Variants in GNA14 observed in about 807,000 individuals in gnomAD.
The protein encoded by GNA14 is guanine nucleotide-binding protein subunit alpha-14.
In GNA14, 50 loss-of-function variants were observed where a neutral mutation model predicts 42.0. That is an observed-to-expected ratio of 1.19 (90% CI 0.95 to 1.51). The LOEUF is 1.51. GNA14 is among the 40% of genes most tolerant of loss of function. The pLI, the probability that GNA14 is intolerant of heterozygous loss-of-function variation, is 0.00. For missense variants in GNA14, 473 were observed against 446.2 expected, an observed-to-expected ratio of 1.06 and a Z score of -0.54; for synonymous variants, 173 against 163.1, an observed-to-expected ratio of 1.06 and a Z score of -0.46.
intron 2 of GNA14, among the ~76,000 whole-genome samples, chr9:77,435,878 C>A (rs749973117): frequency 4.6e-5 from 7 of 152,152 alleles, no homozygotes; most frequent in Non-Finnish European, 8.8e-5. Flanking sequence ...AGCAGGACCC[C>A]AGGCTCTTAT....
chr9:77,628,535 C>G (rs777011251), intron 1 of GNA14, among the ~76,000 whole-genome samples: 1 of 152,144 alleles, frequency 6.6e-6, no homozygotes, highest in Non-Finnish European at 1.5e-5. Flanking sequence ...GGTACCAAAA[C>G]AGATATATAG....
intron 2 of GNA14, among the ~76,000 whole-genome samples, chr9:77,493,876 G>A (rs528740790): frequency 2.0e-5 from 3 of 152,258 alleles, no homozygotes; most frequent in African/African-American, 7.2e-5. Flanking sequence ...ATCTTCTAGA[G>A]TGCACAAGAT....
chr9:77,538,728 G>A (rs1837626836), intron 1 of GNA14, among the ~76,000 whole-genome samples: 1 of 151,860 alleles, frequency 6.6e-6, no homozygotes, highest in Admixed American at 6.6e-5. Context: ...TTTTTCAGCT[G>A]GTTCACAATT....
intron 2 of GNA14, among the ~76,000 whole-genome samples, chr9:77,452,591 TG>T (rs1835925902): frequency 3.2e-5 from 4 of 126,560 alleles, no homozygotes; most frequent in Non-Finnish European, 6.5e-5. Flanking sequence ...TGTATGTGTG[TG>T]TGTGGTGTGT....
At chr9:77,425,524 T>C (rs769144638) in intron 6 of GNA14, 38 bp downstream of exon 6, 3 of 1,526,734 alleles carry the variant, frequency 2.0e-6, no homozygotes, top group Non-Finnish European at 2.7e-6. Flanking sequence ...GTGGACGAGA[T>C]CAGCACAGAA....
Position 77,637,484 on chromosome 9 carries a change from G to T in GNA14, c.124+10186C>A, listed in dbSNP as rs147028288. On this transcript the variant is annotated intron_variant, in intron 1 of 6. Transcript: ENST00000341700. ...TGCACAATTCAAACCACATATGGAA[G>T]GAATTTCTATATCTTATCAGCAACC... Among the ~76,000 whole-genome samples, 162 of 152,302 alleles carry T rather than the reference G, an allele frequency of 1.1e-3. 1 individual carries two copies. Among genetic ancestry groups the T allele is most frequent in the African/African-American group, 3.8e-3 (158 of 41,572 alleles).
intron 2 of GNA14, among the ~76,000 whole-genome samples, chr9:77,470,605 A>C (rs1321387332): frequency 6.6e-6 from 1 of 152,236 alleles, no homozygotes; most frequent in South Asian, 2.1e-4. Flanking sequence ...GAGGATTAGA[A>C]AGTACATTAG....
At chr9:77,645,629 G>A (rs1024200549) in intron 1 of GNA14, among the ~76,000 whole-genome samples, 5 of 152,080 alleles carry the variant, frequency 3.3e-5, no homozygotes, top group Non-Finnish European at 7.3e-5. Context: ...AAGACCCTCG[G>A]GTCACCCTGA....
chr9:77,581,605 A>G (rs768561482), intron 1 of GNA14, among the ~76,000 whole-genome samples: 2 of 152,184 alleles, frequency 1.3e-5, no homozygotes, highest in Non-Finnish European at 2.9e-5. Flanking sequence ...TTTTGGTGCA[A>G]AAGACTCTGG....
At chr9:77,429,081 CA>C (rs775849750) in intron 4 of GNA14, 45 bp from the exon 5 acceptor site, 3 of 1,597,470 alleles carry the variant, frequency 1.9e-6, no homozygotes, top group Non-Finnish European at 1.7e-6. Flanking sequence ...GAATACATGA[CA>C]CTTCGGGGAA....
intron 1 of GNA14, chr9:77,580,470 C>A: frequency 2.7e-6 from 1 of 367,642 alleles, no homozygotes; most frequent in Non-Finnish European, 5.6e-6. Context: ...ACAATTAGCC[C>A]ACACCAGATA....
intron 2 of GNA14, among the ~76,000 whole-genome samples, chr9:77,460,335 C>G (rs916646053): frequency 3.3e-5 from 5 of 152,180 alleles, no homozygotes; most frequent in African/African-American, 1.2e-4. Flanking sequence ...CGAGGAACAC[C>G]AAGGGTTGCC....
At chr9:77,556,737 C>T (rs1822787087) in intron 1 of GNA14, among the ~76,000 whole-genome samples, 1 of 152,110 alleles carries the variant, frequency 6.6e-6, no homozygotes, top group Admixed American at 6.5e-5. Context: ...TACCACCACC[C>T]CCAGACACAC....
chr9:77,538,773 A>G (rs1294544624), intron 1 of GNA14, among the ~76,000 whole-genome samples: 1 of 151,952 alleles, frequency 6.6e-6, no homozygotes, highest in Non-Finnish European at 1.5e-5. Flanking sequence ...TTGTATGTTG[A>G]TTTTGTGTCC....
intron 2 of GNA14, among the ~76,000 whole-genome samples, chr9:77,498,392 A>AAAAG (rs1836910419): frequency 6.9e-6 from 1 of 144,778 alleles, no homozygotes. Flanking sequence ...AAAAAAAGAA[A>AAAAG]AAAAAGAAAA....
chr9:77,622,550 CA>C, intron 1 of GNA14, among the ~76,000 whole-genome samples: 1 of 151,946 alleles, frequency 6.6e-6, no homozygotes, highest in East Asian at 1.9e-4. Context: ...GGGCGGATCA[CA>C]GAGTCAGGAG....
chr9:77,618,593 TATATATATATATATATATATATATA>T (rs1823860413), intron 1 of GNA14, among the ~76,000 whole-genome samples: 6 of 15,004 alleles, frequency 4.0e-4, no homozygotes, highest in Admixed American at 1.4e-3. Flanking sequence ...TATATATATA[TATATATATATATATATATATATATA>T]TATTTTTTTT....
chr9:77,521,475 G>C (rs928724140), intron 2 of GNA14, among the ~76,000 whole-genome samples: 6 of 152,138 alleles, frequency 3.9e-5, no homozygotes, highest in African/African-American at 1.4e-4. Context: ...CAATAAAAAA[G>C]TGACAGAAAT....
intron 1 of GNA14, chr9:77,580,485 C>A: frequency 2.6e-6 from 1 of 381,382 alleles, no homozygotes; most frequent in African/African-American, 2.1e-5. Flanking sequence ...CAGATAGCTG[C>A]ATCATCAGCA....
Sources: gnomAD v4.1 joint callset for allele counts (sites outside exome capture counted in the v4.1 genomes callset) on GRCh38, gnomAD v4.1.1 for gene constraint, MANE v1.5 for transcripts, NCBI Gene and HGNC (gene_info 2026-07-23, HGNC 2026-07-21) for gene names.